Variants in DCAF4 observed in about 807,000 individuals in gnomAD.
DCAF4 encodes the protein DDB1- and CUL4-associated factor 4.
In DCAF4, 37 loss-of-function variants were observed where a neutral mutation model predicts 60.9. The observed-to-expected ratio is 0.61, with a 90% CI of 0.47 to 0.80. The LOEUF is 0.80. DCAF4 is among the 30% of genes least tolerant of loss of function. DCAF4 has a pLI of 0.00. For missense variants in DCAF4, 577 were observed against 650.0 expected (o/e 0.89, Z 1.22); for synonymous variants, 243 against 254.8 (o/e 0.95, Z 0.44).
intron 9 of DCAF4, among the ~76,000 whole-genome samples, chr14:72,953,772 A>ATAG (rs1891860505): frequency 2.5e-5 from 1 of 40,448 alleles, no homozygotes; most frequent in African/African-American, 9.0e-5. Context: ...TAGTTTATTT[A>ATAG]TTTATTTATT....
At position 72,959,098 on chromosome 14, in the gene DCAF4, G is replaced by C; in HGVS notation, c.*293G>C. 2.8e-6 allele frequency: 3 copies of C among 1,085,514 alleles called. No homozygotes were observed. The African/African-American group carries it at 4.9e-5, about 18-fold the overall frequency. 67.2% of individuals were successfully genotyped at this position (1,085,514 alleles called of 1,614,324 possible). A position where few individuals can be genotyped will look rare whatever the true frequency, so the allele number is the denominator to read the frequency against. On this transcript the variant is annotated 3_prime_UTR_variant, in exon 14 of 14. Coordinates refer to ENST00000358377, the MANE Select transcript of DCAF4 (RefSeq NM_015604.4). ...CCTCCCTGCCTTTTCTTAACAAAAA[G>C]GACTTTTCTAAGGACTGAAGATTGG...
intron 3 of DCAF4, 147 bp from the exon 4 acceptor site, chr14:72,940,073 T>C: frequency 8.0e-7 from 1 of 1,248,722 alleles, no homozygotes; most frequent in Non-Finnish European, 1.1e-6. Context: ...CTGAGCACAG[T>C]CCAGGATGTT....
At chr14:72,930,095 C>T (rs1888344000) in intron 1 of DCAF4, among the ~76,000 whole-genome samples, 1 of 152,192 alleles carries the variant, frequency 6.6e-6, no homozygotes, top group East Asian at 1.9e-4. Context: ...CGCGCCACTG[C>T]ACTTCAGCCA....
At chr14:72,956,752 C>A (rs1892353083) in intron 13 of DCAF4, 1 of 420,972 alleles carries the variant, frequency 2.4e-6, no homozygotes, top group Non-Finnish European at 4.4e-6. Flanking sequence ...CAGAAACAGG[C>A]AGGTGGGGAG....
chr14:72,934,124 C>T (rs1218184388), intron 1 of DCAF4, among the ~76,000 whole-genome samples: 1 of 151,240 alleles, frequency 6.6e-6, no homozygotes, highest in African/African-American at 2.4e-5. Context: ...AGCCTGCAGG[C>T]CCCCCGCCCC....
chr14:72,951,902 A>C (rs1567321749), intron 9 of DCAF4, 25 bp downstream of exon 9: 2 of 1,613,142 alleles, frequency 1.2e-6, no homozygotes, highest in Non-Finnish European at 1.7e-6. Flanking sequence ...TCCTTTAAAG[A>C]AATCTGTCCT....
At position 72,956,447 on chromosome 14, in the gene DCAF4, A is replaced by C; in HGVS notation, c.1241A>C (p.Glu414Ala). ...CVRQYEGHVNEYAYLPLHVHE... is the reference protein window; with the variant it reads ...CVRQYEGHVNAYAYLPLHVHE... ...AGGCAGTACGAAGGCCACGTGAATG[A>C]GTACGCCTACCTGCCCCTGCATGTG... Residue 414 changes from glutamate to alanine, a missense_variant, in exon 13 of 14, where the codon GAG (glutamate) becomes GCG (alanine). Coordinates refer to ENST00000358377, the MANE Select transcript of DCAF4 (RefSeq NM_015604.4). The C allele has an allele frequency of 6.2e-7, 1 of 1,613,760 alleles. No individual in the cohort carries two copies. The highest frequency in any genetic ancestry group is 8.5e-7 in the Non-Finnish European group (1 of 1,179,862).
intron 2 of DCAF4, 40 bp from the exon 3 acceptor site, chr14:72,939,762 A>C: frequency 6.4e-7 from 1 of 1,561,582 alleles, no homozygotes; most frequent in Non-Finnish European, 8.7e-7. Context: ...GCTGGAACTC[A>C]AGTCCTGGGC....
chr14:72,928,585 T>TTA (rs57258334), intron 1 of DCAF4, among the ~76,000 whole-genome samples: 859 of 15,724 alleles, frequency 0.055, 5 homozygotes, highest in Non-Finnish European at 0.12. Context: ...TAAACATCCT[T>TTA]TATATATATA....
intron 1 of DCAF4, among the ~76,000 whole-genome samples, chr14:72,929,077 G>T (rs144719098): frequency 2.6e-5 from 4 of 152,306 alleles, no homozygotes; most frequent in African/African-American, 9.6e-5. Context: ...GGGCGGCACG[G>T]ACGCCCGGGG....
At chr14:72,940,108 C>T in intron 3 of DCAF4, 112 bp from the exon 4 acceptor site, 1 of 1,437,984 alleles carries the variant, frequency 7.0e-7, no homozygotes, top group Middle Eastern at 1.8e-4. Flanking sequence ...CTCATCCCCG[C>T]CCTCAGAAAA....
chr14:72,956,422 A>G lies in DCAF4; in HGVS notation c.1216A>G (p.Arg406Gly), dbSNP rs770978025. Residue 406 changes from arginine to glycine, a missense_variant, in exon 13 of 14, where the codon AGG (arginine) becomes GGG (glycine). Arg to Gly is a moderately radical substitution (Grantham distance 125). Transcript: ENST00000358377. ...LWDLRTTKCV[R>G]QYEGHVNEYA... is the part of the protein sequence containing the mutation. ...GGACCTGAGGACCACGAAGTGCGTA[A>G]GGCAGTACGAAGGCCACGTGAATGA... 1 of 1,613,306 alleles carries G rather than the reference A, an allele frequency of 6.2e-7. No individual in the cohort carries two copies. The highest frequency in any genetic ancestry group is 8.5e-7 in the Non-Finnish European group (1 of 1,179,632).
downstream of DCAF4, chr14:72,960,820 G>A (rs1594819467): frequency 4.1e-6 from 1 of 243,590 alleles, no homozygotes; most frequent in Admixed American, 6.5e-5. Context: ...ACAAGCAGAT[G>A]GTGGCACAGT....
chr14:72,930,067 G>A (rs1396530982), intron 1 of DCAF4: 1 of 544,776 alleles, frequency 1.8e-6, no homozygotes, highest in East Asian at 3.0e-5. Context: ...GGAGATGGAG[G>A]TTGCCGGGAG....
chr14:72,953,910 A>G (rs558223199), intron 9 of DCAF4, among the ~76,000 whole-genome samples: 60 of 146,846 alleles, frequency 4.1e-4, no homozygotes, highest in Admixed American at 8.9e-4. Context: ...ACAGTATACT[A>G]CCTCCCTGAT....
At chr14:72,928,929 C>T (rs188018284) in intron 1 of DCAF4, among the ~76,000 whole-genome samples, 176 of 152,114 alleles carry the variant, frequency 1.2e-3, no homozygotes, top group African/African-American at 4.0e-3. Context: ...GAGTTTTGGC[C>T]CCGTGCTAAG....
chr14:72,959,073 C>T lies in DCAF4; in HGVS notation c.*268C>T. The T allele has an allele frequency of 8.7e-7, 1 of 1,152,520 alleles. No individual in the cohort carries two copies. The highest frequency in any genetic ancestry group is 1.1e-6 in the Non-Finnish European group (1 of 937,176). 71.4% of individuals were successfully genotyped at this position (1,152,520 alleles called of 1,614,324 possible). On this transcript the variant is annotated 3_prime_UTR_variant, in exon 14 of 14. Transcript: ENST00000358377. ...ATTGAATTCTTAGAACTTAGTTAACCCTCCCTGCCTTTTCTTAACAAAAAG... is the reference window on the plus strand; with the variant it reads ...ATTGAATTCTTAGAACTTAGTTAACTCTCCCTGCCTTTTCTTAACAAAAAG...
chr14:72,939,740 C>T, intron 2 of DCAF4, 62 bp from the exon 3 acceptor site: 1 of 1,443,942 alleles, frequency 6.9e-7, no homozygotes, highest in Non-Finnish European at 9.4e-7. Flanking sequence ...ACTCCCTGCC[C>T]CCGTCAGAAT....
intron 8 of DCAF4, 64 bp from the exon 9 acceptor site, chr14:72,951,734 A>G (rs1891440613): frequency 3.9e-6 from 6 of 1,524,646 alleles, no homozygotes; most frequent in South Asian, 1.1e-5. Context: ...TCTGAAGGGT[A>G]AATGTCCATG....
Sources: gnomAD v4.1 joint callset for allele counts (sites outside exome capture counted in the v4.1 genomes callset) on GRCh38, gnomAD v4.1.1 for gene constraint, MANE v1.5 for transcripts, NCBI Gene and HGNC (gene_info 2026-07-23, HGNC 2026-07-21) for gene names.